The following GLIS3 variants were observed in gnomAD, a reference collection of about 807,000 sequenced individuals.
GLIS3 encodes the protein zinc finger protein GLIS3.
GLIS3 carries 53 observed loss-of-function variants against 78.6 expected under a neutral mutation model. The ratio of observed to expected loss-of-function variants is 0.67; its 90% confidence interval spans 0.54 to 0.85. The LOEUF is 0.85. GLIS3 is among the 40% of genes least tolerant of loss of function. The pLI is 0.00. For synonymous variants in GLIS3, 684 were observed against 509.9 expected (o/e 1.34, Z -4.60); for missense variants, 1,703 against 1,231.1 (o/e 1.38, Z -5.74).
At chr9:3,839,563 T>C (rs763157948) in intron 9 of GLIS3, among the ~76,000 whole-genome samples, 17 of 150,782 alleles carry the variant, frequency 1.1e-4, no homozygotes, top group Non-Finnish European at 1.6e-4. Flanking sequence ...GGTTAAGTAA[T>C]ATTGTCCCAA....
At chr9:4,275,451 C>A (rs1826894704) in intron 2 of GLIS3, among the ~76,000 whole-genome samples, 1 of 152,056 alleles carries the variant, frequency 6.6e-6, no homozygotes, top group Non-Finnish European at 1.5e-5. Flanking sequence ...CAGTGTAAAA[C>A]CACACAGCAC....
chr9:4,144,518 T>G (rs1304535135), intron 2 of GLIS3, among the ~76,000 whole-genome samples: 2 of 152,212 alleles, frequency 1.3e-5, no homozygotes, highest in Non-Finnish European at 2.9e-5. Flanking sequence ...TATACATGAT[T>G]AAGCATGAGC....
intron 9 of GLIS3, among the ~76,000 whole-genome samples, chr9:3,844,660 C>T (rs536444220): frequency 1.1e-4 from 16 of 152,234 alleles, no homozygotes; most frequent in African/African-American, 3.6e-4. Flanking sequence ...TTCTGAGTTC[C>T]AATCAGGAAA....
intron 4 of GLIS3, among the ~76,000 whole-genome samples, chr9:4,040,573 T>C (rs1824724018): frequency 6.6e-6 from 1 of 152,158 alleles, no homozygotes; most frequent in African/African-American, 2.4e-5. Flanking sequence ...AAGAAAAATA[T>C]TCAATCAATA....
At chr9:4,300,322 T>C (rs1322692706), upstream of GLIS3, among the ~76,000 whole-genome samples, 1 of 88,904 alleles carries the variant, frequency 1.1e-5, no homozygotes, top group Non-Finnish European at 2.3e-5. Flanking sequence ...TTCCTGGCCT[T>C]ATTTGTTAAA....
intron 2 of GLIS3, among the ~76,000 whole-genome samples, chr9:4,333,253 A>AAAAGGGGAAGGAAAGGG (rs1554659432): frequency 6.7e-6 from 1 of 150,346 alleles, no homozygotes; most frequent in Admixed American, 6.6e-5. Context: ...GAAGGAAAGG[A>AAAAGGGGAAGGAAAGGG]AAGAAAAATG....
At chr9:4,244,907 C>T (rs906394665) in intron 2 of GLIS3, among the ~76,000 whole-genome samples, 1 of 152,138 alleles carries the variant, frequency 6.6e-6, no homozygotes, top group African/African-American at 2.4e-5. Flanking sequence ...AATGATTCTA[C>T]ACTCAAGAGT....
At chr9:4,074,696 C>T (rs1827902440) in intron 4 of GLIS3, among the ~76,000 whole-genome samples, 1 of 152,194 alleles carries the variant, frequency 6.6e-6, no homozygotes, top group African/African-American at 2.4e-5. Flanking sequence ...CCTCTACCAG[C>T]ACCTTTTCTT....
At chr9:4,272,879 A>G (rs1826642668) in intron 2 of GLIS3, among the ~76,000 whole-genome samples, 1 of 152,210 alleles carries the variant, frequency 6.6e-6, no homozygotes, top group African/African-American at 2.4e-5. Flanking sequence ...AATTATTAAT[A>G]GGGCCTCATT....
At chr9:4,027,485 C>T (rs997657582) in intron 4 of GLIS3, among the ~76,000 whole-genome samples, 1 of 152,198 alleles carries the variant, frequency 6.6e-6, no homozygotes, top group African/African-American at 2.4e-5. Context: ...ATTCACTCCC[C>T]CCACCTCATC....
At chr9:3,953,795 C>CTCTCTA (rs1403671770) in intron 4 of GLIS3, among the ~76,000 whole-genome samples, 890 of 72,716 alleles carry the variant, frequency 0.012, 5 homozygotes, top group Non-Finnish European at 0.019. Context: ...CTCTCTCTCT[C>CTCTCTA]TATATATATA....
chr9:4,447,185 C>A, the GLIS3 span, among the ~76,000 whole-genome samples: 1 of 152,130 alleles, frequency 6.6e-6, no homozygotes, highest in South Asian at 2.1e-4. Flanking sequence ...GTAGCTGGGA[C>A]TATAGGCATG....
rs372147366 is a variant in GLIS3, at chr9:4,283,794, C to T, written c.388+2244G>A. 3.2e-4 allele frequency among the ~76,000 whole-genome samples: 49 copies of T among 152,270 alleles called. No homozygotes were observed. The Middle Eastern group carries it at 0.014, about 42-fold the overall frequency. ...ATTGTCAACCAAAATCTGGAAGAAA[C>T]GATACATTCAGCCACTTCTTGCACC... is the stretch of plus-strand genomic sequence containing the variant. On this transcript the variant is annotated intron_variant, in intron 2 of 10. Coordinates refer to ENST00000381971, the MANE Select transcript of GLIS3 (RefSeq NM_001042413.2).
chr9:3,892,391 G>C (rs930224594), intron 7 of GLIS3, among the ~76,000 whole-genome samples: 8 of 152,176 alleles, frequency 5.3e-5, no homozygotes, highest in Admixed American at 1.3e-4. Context: ...CACCTGAGCA[G>C]GGCAGATCAG....
At chr9:3,952,847 A>T (rs1479171137) in intron 4 of GLIS3, among the ~76,000 whole-genome samples, 6 of 152,280 alleles carry the variant, frequency 3.9e-5, no homozygotes, top group Non-Finnish European at 2.9e-5. Flanking sequence ...TTCTAAAAAA[A>T]ACTCCCAACC....
chr9:4,192,084 T>C (rs895771075), intron 2 of GLIS3, among the ~76,000 whole-genome samples: 7 of 152,152 alleles, frequency 4.6e-5, no homozygotes, highest in African/African-American at 1.7e-4. Context: ...ACATTGAGCA[T>C]GGCAAAGAAA....
At chr9:3,968,373 C>T (rs1818118683) in intron 4 of GLIS3, among the ~76,000 whole-genome samples, 2 of 152,074 alleles carry the variant, frequency 1.3e-5, no homozygotes, top group Non-Finnish European at 2.9e-5. Flanking sequence ...TTAAATAATA[C>T]AGAAAGCATA....
intron 4 of GLIS3, among the ~76,000 whole-genome samples, chr9:3,969,912 A>G (rs904799142): frequency 6.6e-6 from 1 of 152,230 alleles, no homozygotes; most frequent in Non-Finnish European, 1.5e-5. Flanking sequence ...CTTTAGATCA[A>G]TTCTGTTATT....
At chr9:4,483,565 A>C in the GLIS3 span, among the ~76,000 whole-genome samples, 7 of 151,996 alleles carry the variant, frequency 4.6e-5, no homozygotes, top group Admixed American at 3.3e-4. Flanking sequence ...TAAAAATTCA[A>C]AAAAATTAGC....
Sources: gnomAD v4.1 joint callset for allele counts (sites outside exome capture counted in the v4.1 genomes callset) on GRCh38, gnomAD v4.1.1 for gene constraint, MANE v1.5 for transcripts, NCBI Gene and HGNC (gene_info 2026-07-23, HGNC 2026-07-21) for gene names.